The following IQCM variants were observed in gnomAD, a reference collection of about 807,000 sequenced individuals.
The protein encoded by IQCM is IQ motif containing M, also known as IQ domain-containing protein M.
A neutral mutation model predicts 57.6 loss-of-function variants in IQCM; 45 were observed. The observed-to-expected ratio is 0.78, with a 90% confidence interval of 0.62 to 1.00. The LOEUF (loss-of-function observed/expected upper bound fraction) is 1.00. IQCM is among the 50% of genes least tolerant of loss of function. The pLI is 0.00. For missense variants in IQCM, 468 were observed against 511.6 expected (o/e 0.91, Z 0.82); for synonymous variants, 148 against 158.9 (o/e 0.93, Z 0.51).
At chr4:149,368,771 CATATATATACATGT>C (rs1730031502) in intron 13 of IQCM, among the ~76,000 whole-genome samples, 1 of 73,304 alleles carries the variant, frequency 1.4e-5, no homozygotes, top group Admixed American at 1.4e-4. Flanking sequence ...TATATATATA[CATATATATACATGT>C]ATATATATAC....
At chr4:149,813,853 C>A (rs138281458) in intron 2 of IQCM, among the ~76,000 whole-genome samples, 1,749 of 152,114 alleles carry the variant, frequency 0.011, 43 homozygotes, top group African/African-American at 0.039. Context: ...ATTCCAGAGT[C>A]CTTAGCACAG....
intron 13 of IQCM, among the ~76,000 whole-genome samples, chr4:149,383,991 A>T (rs1731249215): frequency 6.6e-6 from 1 of 152,130 alleles, no homozygotes; most frequent in Admixed American, 6.6e-5. Context: ...ATCCTTTATT[A>T]GATGTTCTTA....
chr4:149,497,072 T>A (rs972625476), intron 12 of IQCM, among the ~76,000 whole-genome samples: 1 of 152,086 alleles, frequency 6.6e-6, no homozygotes, highest in Admixed American at 6.5e-5. Flanking sequence ...CAGAAAGCCT[T>A]CATGGAATTT....
At chr4:149,762,853 G>C (rs554083870) in intron 2 of IQCM, among the ~76,000 whole-genome samples, 1 of 152,100 alleles carries the variant, frequency 6.6e-6, no homozygotes, top group East Asian at 1.9e-4. Context: ...CTTATAAGGA[G>C]TTCTCAGAGA....
At chr4:149,451,813 C>G (rs1057303771) in intron 12 of IQCM, among the ~76,000 whole-genome samples, 18 of 151,640 alleles carry the variant, frequency 1.2e-4, no homozygotes, top group Admixed American at 3.3e-4. Flanking sequence ...GTATGTTTTC[C>G]TCTCAAATTC....
intron 8 of IQCM, among the ~76,000 whole-genome samples, chr4:149,614,361 A>T (rs755599710): frequency 6.6e-6 from 1 of 152,126 alleles, no homozygotes; most frequent in Non-Finnish European, 1.5e-5. Context: ...AGAGGTCTAC[A>T]TGGCACTTGA....
intron 2 of IQCM, among the ~76,000 whole-genome samples, chr4:149,755,655 A>G (rs1768893521): frequency 6.6e-6 from 1 of 152,154 alleles, no homozygotes. Context: ...ATACTATTTA[A>G]CATACAATAT....
At chr4:149,652,337 C>G (rs1292050173) in intron 7 of IQCM, among the ~76,000 whole-genome samples, 2 of 151,994 alleles carry the variant, frequency 1.3e-5, no homozygotes, top group Non-Finnish European at 2.9e-5. Flanking sequence ...GGACAAATAC[C>G]TAATGCATGC....
At chr4:149,368,485 T>C (rs1212350667) in intron 13 of IQCM, among the ~76,000 whole-genome samples, 1 of 151,864 alleles carries the variant, frequency 6.6e-6, no homozygotes, top group Admixed American at 6.6e-5. Flanking sequence ...TTCCACCTTG[T>C]TAGAAACCTT....
chr4:149,410,632 C>G (rs1363119385), intron 13 of IQCM, among the ~76,000 whole-genome samples: 1 of 151,642 alleles, frequency 6.6e-6, no homozygotes, highest in Non-Finnish European at 1.5e-5. Flanking sequence ...CACATTGTCA[C>G]ACTTTTTTTT....
intron 2 of IQCM, chr4:149,793,562 T>C (rs1772835695): frequency 6.6e-6 from 1 of 152,220 alleles, no homozygotes; most frequent in Non-Finnish European, 1.5e-5. Context: ...TGCTTTTAGT[T>C]TTTCTGCTTT....
intron 12 of IQCM, among the ~76,000 whole-genome samples, chr4:149,435,473 TTTACA>T (rs924506807): frequency 9.9e-5 from 15 of 152,112 alleles, no homozygotes; most frequent in African/African-American, 2.9e-4. Context: ...CATGCAACTA[TTTACA>T]TTACATTTAT....
chr4:149,685,650 A>T (rs1762496226), intron 6 of IQCM, among the ~76,000 whole-genome samples: 1 of 151,518 alleles, frequency 6.6e-6, no homozygotes, highest in Non-Finnish European at 1.5e-5. Context: ...CAATTACCCC[A>T]AATTTCTGAC....
chr4:149,695,930 A>C (rs2149804114), intron 5 of IQCM, among the ~76,000 whole-genome samples: 1 of 152,322 alleles, frequency 6.6e-6, no homozygotes, highest in African/African-American at 2.4e-5. Flanking sequence ...GTTTGGGCTA[A>C]ATAGTAAGTG....
intron 9 of IQCM, among the ~76,000 whole-genome samples, chr4:149,572,076 T>A: frequency 6.6e-6 from 1 of 152,042 alleles, no homozygotes; most frequent in African/African-American, 2.4e-5. Flanking sequence ...AACTTATAGC[T>A]CTCACTGATA....
intron 12 of IQCM, among the ~76,000 whole-genome samples, chr4:149,476,088 G>T (rs770587707): frequency 2.6e-5 from 4 of 152,020 alleles, no homozygotes; most frequent in Non-Finnish European, 4.4e-5. Context: ...ATAATGATTT[G>T]GAGAGAGAGA....
intron 2 of IQCM, among the ~76,000 whole-genome samples, chr4:149,800,693 G>C (rs10023718): frequency 1.3e-5 from 2 of 151,790 alleles, no homozygotes; most frequent in South Asian, 4.1e-4. Context: ...ATTTCTATAT[G>C]CCAACAGAGA....
intron 7 of IQCM, among the ~76,000 whole-genome samples, chr4:149,668,891 G>C (rs1307943570): frequency 1.3e-5 from 2 of 152,140 alleles, no homozygotes; most frequent in Non-Finnish European, 2.9e-5. Flanking sequence ...CAAAGAGAAA[G>C]AGGAGAAAGG....
intron 5 of IQCM, among the ~76,000 whole-genome samples, chr4:149,724,461 ACT>A (rs755599490): frequency 1.3e-5 from 2 of 151,736 alleles, no homozygotes; most frequent in Admixed American, 1.3e-4. Context: ...ACACATAAAC[ACT>A]CTCTCTTTCT....
Sources: allele counts gnomAD v4.1 joint callset (sites outside exome capture counted in the v4.1 genomes callset), GRCh38; gene constraint gnomAD v4.1.1; transcripts MANE v1.5; gene names NCBI Gene and HGNC (gene_info 2026-07-23, HGNC 2026-07-21).